PTPRD: variants seen among roughly 807,000 people sequenced by gnomAD.
PTPRD encodes protein tyrosine phosphatase receptor type D.
Under a neutral mutation model 214.5 loss-of-function variants are expected in PTPRD, and 34 were observed. The ratio of observed to expected loss-of-function variants is 0.16; its 90% CI spans 0.12 to 0.21. PTPRD has a LOEUF of 0.21. PTPRD is among the 10% of genes least tolerant of loss of function. PTPRD has a pLI of 1.00. For synonymous variants in PTPRD, 1,128 were observed against 845.7 expected (o/e 1.33, Z -5.79); for missense variants, 2,545 against 2,398.7 (o/e 1.06, Z -1.27).
chr9:10,297,616 G>A (rs1000933194), intron 3 of PTPRD, among the ~76,000 whole-genome samples: 2 of 151,260 alleles, frequency 1.3e-5, no homozygotes, highest in South Asian at 2.1e-4. Context: ...GCAAGTTGCT[G>A]GTGTACACTC....
intron 3 of PTPRD, among the ~76,000 whole-genome samples, chr9:10,097,800 C>T (rs1591101539): frequency 1.3e-5 from 2 of 151,820 alleles, no homozygotes; most frequent in East Asian, 1.9e-4. Context: ...TGAGAGAGGG[C>T]ATCCCTGTGT....
chr9:10,236,103 AG>A (rs1483191744), intron 3 of PTPRD, among the ~76,000 whole-genome samples: 1 of 151,884 alleles, frequency 6.6e-6, no homozygotes, highest in Non-Finnish European at 1.5e-5. Flanking sequence ...TCAAAACTCT[AG>A]GGTTTTTTAC....
intron 11 of PTPRD, among the ~76,000 whole-genome samples, chr9:8,999,358 C>A (rs1454749924): frequency 6.6e-6 from 1 of 152,082 alleles, no homozygotes; most frequent in Admixed American, 6.6e-5. Context: ...AGTCAGCAGT[C>A]ATAAGCATGG....
chr9:8,857,978 C>G (rs954954666), intron 11 of PTPRD, among the ~76,000 whole-genome samples: 3 of 143,658 alleles, frequency 2.1e-5, no homozygotes, highest in Non-Finnish European at 4.6e-5. Flanking sequence ...CCCGGGCCGT[C>G]CTCTTGGCCC....
intron 21 of PTPRD, among the ~76,000 whole-genome samples, chr9:8,509,750 C>G (rs1592345712): frequency 6.6e-6 from 1 of 152,284 alleles, no homozygotes; most frequent in East Asian, 1.9e-4. Context: ...CAAGCTTTGT[C>G]TGATCATCTA....
chr9:10,484,720 A>G (rs2099121505), intron 2 of PTPRD, among the ~76,000 whole-genome samples: 1 of 151,838 alleles, frequency 6.6e-6, no homozygotes, highest in Non-Finnish European at 1.5e-5. Flanking sequence ...AGATTATTAT[A>G]TTTTTTCCTA....
chr9:8,854,024 T>A (rs1024691363), intron 11 of PTPRD, among the ~76,000 whole-genome samples: 2 of 152,174 alleles, frequency 1.3e-5, no homozygotes, highest in Non-Finnish European at 2.9e-5. Context: ...CTGGGAAAAC[T>A]GGATAATTAT....
chr9:8,709,247 G>C lies in PTPRD; in HGVS notation c.64+24533C>G, dbSNP rs576995983. Among the ~76,000 whole-genome samples the C allele has an allele frequency of 2.3e-3, 350 of 152,180 alleles. 2 individuals are homozygous for C. Among genetic ancestry groups the C allele is most frequent in the Non-Finnish European group, 4.4e-3 (298 of 68,016 alleles). ...ATGCTAACAGAGGCCAGGCGCAGTG[G>C]CTCGCACCTGTAATGCCAGCACTTT... is the stretch of plus-strand genomic sequence containing the variant. On this transcript the variant is annotated intron_variant, in intron 12 of 45. Coordinates refer to ENST00000381196, the MANE Select transcript of PTPRD (RefSeq NM_002839.4).
chr9:10,516,700 T>A lies in PTPRD; in HGVS notation c.-600+95698A>T, dbSNP rs529129023. ...GTGTTTTCTTTTAGGAGTTTTAGAG[T>A]TTCAAGTCTCATGTTCAACCCTTTA... On this transcript the variant is annotated intron_variant, in intron 2 of 45. Transcript: ENST00000381196. 5.9e-4 allele frequency among the ~76,000 whole-genome samples: 89 copies of A among 152,080 alleles called. No individual in the cohort carries two copies. In the South Asian group the frequency reaches 8.9e-3, roughly 15 times the overall value.
chr9:8,557,150 C>T (rs1226768674), intron 14 of PTPRD, among the ~76,000 whole-genome samples: 1 of 152,004 alleles, frequency 6.6e-6, no homozygotes, highest in Non-Finnish European at 1.5e-5. Flanking sequence ...CAGTTTGCTT[C>T]TGTTAGCCGA....
At chr9:8,900,614 T>C (rs1353889724) in intron 11 of PTPRD, among the ~76,000 whole-genome samples, 1 of 152,198 alleles carries the variant, frequency 6.6e-6, no homozygotes, top group Non-Finnish European at 1.5e-5. Context: ...CATTGATATA[T>C]TTAAGTAGGT....
In PTPRD at chr9:8,945,280, A is replaced by T. The variant is rs550451099; in HGVS notation, c.-104+73417T>A. On this transcript the variant is annotated intron_variant, in intron 11 of 45. Transcript: ENST00000381196. ...TGTGAATCTCCCACTTAAGGCCTGA[A>T]TTATTAATAGGTTTCTTTATTTAGA... Among the ~76,000 whole-genome samples the T allele has an allele frequency of 6.0e-4, 91 of 152,150 alleles. 1 individual carries two copies. Among genetic ancestry groups the T allele is most frequent in the African/African-American group, 2.1e-3 (86 of 41,532 alleles).
chr9:9,380,045 A>C (rs1197141958), intron 9 of PTPRD, among the ~76,000 whole-genome samples: 1 of 152,016 alleles, frequency 6.6e-6, no homozygotes, highest in African/African-American at 2.4e-5. Flanking sequence ...AGGACTTCAA[A>C]TGTGGTGTTT....
intron 4 of PTPRD, among the ~76,000 whole-genome samples, chr9:9,971,847 G>T (rs1488127854): frequency 6.6e-6 from 1 of 151,792 alleles, no homozygotes; most frequent in Non-Finnish European, 1.5e-5. Flanking sequence ...ATGCTCTCGG[G>T]GCATATTTGG....
At chr9:8,944,162 A>G (rs2099050290) in intron 11 of PTPRD, among the ~76,000 whole-genome samples, 1 of 152,182 alleles carries the variant, frequency 6.6e-6, no homozygotes, top group Admixed American at 6.5e-5. Flanking sequence ...GCTCAACATC[A>G]CTGATCATCA....
rs1366931033 is a variant in PTPRD at position 8,321,479 on chromosome 9, GTGTGTGTGTATATATATATATATATATA to G, written c.5535-1541_5535-1514del. Among the ~76,000 whole-genome samples the G allele has an allele frequency of 2.4e-4, 14 of 58,128 alleles. 1 individual carries two copies. Among genetic ancestry groups the G allele is most frequent in the African/African-American group, 8.6e-4 (12 of 13,904 alleles). The allele number at this position is 58,128 out of a possible 152,430, so 38.1% of individuals were successfully genotyped here. ...GTCTTCTTTGTGTGTGTGTGTGTGT[GTGTGTGTGTATATATATATATATATATA>G]TATATATATATATATATATAAAAGG... On this transcript the variant is annotated intron_variant, in intron 44 of 45. Coordinates refer to ENST00000381196, the MANE Select transcript of PTPRD (RefSeq NM_002839.4).
intron 11 of PTPRD, among the ~76,000 whole-genome samples, chr9:8,977,703 T>G (rs1442060232): frequency 1.3e-5 from 2 of 151,292 alleles, no homozygotes; most frequent in Non-Finnish European, 2.9e-5. Flanking sequence ...AGTTGTCCCT[T>G]TGTTTAGAAG....
intron 3 of PTPRD, among the ~76,000 whole-genome samples, chr9:10,042,228 C>A (rs969181331): frequency 1.3e-5 from 2 of 151,936 alleles, no homozygotes. Context: ...GGGGTCATTT[C>A]TCTATGTGTA....
At chr9:9,810,102 T>C (rs1045644036) in intron 5 of PTPRD, among the ~76,000 whole-genome samples, 1 of 118,298 alleles carries the variant, frequency 8.5e-6, no homozygotes, top group Non-Finnish European at 1.6e-5. Context: ...AAGATGAAGA[T>C]GAAGAACCCT....
Sources: allele counts gnomAD v4.1 joint callset (sites outside exome capture counted in the v4.1 genomes callset), GRCh38; gene constraint gnomAD v4.1.1; transcripts MANE v1.5; gene names NCBI Gene and HGNC (gene_info 2026-07-23, HGNC 2026-07-21).